NLGN1: variants seen among roughly 807,000 people sequenced by gnomAD.
NLGN1 encodes the protein neuroligin-1.
Under a neutral mutation model 65.5 loss-of-function variants are expected in NLGN1, and 12 were observed. The ratio of observed to expected loss-of-function variants is 0.18; its 90% CI spans 0.12 to 0.30. The LOEUF (loss-of-function observed/expected upper bound fraction) is 0.30. Ranked by LOEUF, NLGN1 falls within the 10% of genes least tolerant of loss-of-function variation. NLGN1 has a pLI of 1.00. For synonymous variants in NLGN1, 350 were observed against 359.5 expected (o/e 0.97, Z 0.30); for missense variants, 750 against 1,007.1 (o/e 0.74, Z 3.46).
intron 4 of NLGN1, among the ~76,000 whole-genome samples, chr3:174,162,075 C>T (rs1429127160): frequency 6.6e-6 from 1 of 151,766 alleles, no homozygotes; most frequent in Non-Finnish European, 1.5e-5. Flanking sequence ...CATAAAAATA[C>T]AGCCAAAACT....
chr3:173,500,703 G>A (rs1273512720), intron 2 of NLGN1, among the ~76,000 whole-genome samples: 1 of 151,842 alleles, frequency 6.6e-6, no homozygotes, highest in Non-Finnish European at 1.5e-5. Flanking sequence ...TGGTTGGTAA[G>A]CTTTTAATTA....
Position 173,678,463 on chromosome 3 carries a change from G to A in NLGN1, c.493+73372G>A, listed in dbSNP as rs574349772. Among the ~76,000 whole-genome samples the A allele has an allele frequency of 3.3e-5, 5 of 152,222 alleles. No individual in the cohort carries two copies. The South Asian group carries it at 8.3e-4, about 25-fold the overall frequency. ...GGAAAACTAGGGCAGGCTTCACAAA[G>A]GATGTGATTTTGGATCTATGTATTG... On this transcript the variant is annotated intron_variant, in intron 3 of 6. Transcript: ENST00000457714.
intron 1 of NLGN1, among the ~76,000 whole-genome samples, chr3:173,421,182 T>A (rs1714972605): frequency 6.6e-6 from 1 of 152,102 alleles, no homozygotes; most frequent in Non-Finnish European, 1.5e-5. Flanking sequence ...TTTTTAAAAA[T>A]CATTTTTATT....
intron 3 of NLGN1, among the ~76,000 whole-genome samples, chr3:173,792,691 A>G (rs534792398): frequency 6.6e-6 from 1 of 152,144 alleles, no homozygotes; most frequent in Non-Finnish European, 1.5e-5. Flanking sequence ...ATGTGCAGAT[A>G]GTAAGAGGGT....
chr3:173,968,901 A>G (rs1011273333), intron 4 of NLGN1, among the ~76,000 whole-genome samples: 6 of 151,366 alleles, frequency 4.0e-5, no homozygotes, highest in African/African-American at 1.5e-4. Flanking sequence ...GGGTTTTACC[A>G]TGTTGGCCAG....
intron 4 of NLGN1, among the ~76,000 whole-genome samples, chr3:173,864,706 G>A (rs935633895): frequency 2.0e-5 from 3 of 152,110 alleles, no homozygotes; most frequent in Non-Finnish European, 2.9e-5. Context: ...CTTACACGCA[G>A]GCTGTAATTC....
At chr3:173,810,642 A>G (rs945623347) in intron 4 of NLGN1, among the ~76,000 whole-genome samples, 13 of 152,184 alleles carry the variant, frequency 8.5e-5, no homozygotes, top group African/African-American at 2.7e-4. Context: ...TTGCTCTTTG[A>G]TTTTAGTGAT....
chr3:174,249,341 G>A (rs531493907), intron 4 of NLGN1, among the ~76,000 whole-genome samples: 98 of 152,224 alleles, frequency 6.4e-4, no homozygotes, highest in South Asian at 2.1e-3. Context: ...ACATGCTGCC[G>A]ATAAATTTTC....
upstream of NLGN1, among the ~76,000 whole-genome samples, chr3:173,396,926 T>C (rs1241592632): frequency 6.6e-6 from 1 of 152,226 alleles, no homozygotes; most frequent in Non-Finnish European, 1.5e-5. Context: ...TTTCCCAGGC[T>C]AGTAGCTGAG....
intron 4 of NLGN1, among the ~76,000 whole-genome samples, chr3:174,185,999 T>A (rs1009693042): frequency 2.8e-4 from 42 of 152,026 alleles, no homozygotes; most frequent in Admixed American, 2.6e-3. Context: ...AATGTAAGCT[T>A]AGACCACAAT....
chr3:174,270,168 G>A (rs1311920016), intron 4 of NLGN1, among the ~76,000 whole-genome samples: 2 of 114,496 alleles, frequency 1.7e-5, no homozygotes, highest in South Asian at 3.0e-4. Context: ...GAAGTTTGAT[G>A]TAGTCTTATT....
intron 4 of NLGN1, among the ~76,000 whole-genome samples, chr3:173,882,205 A>G (rs78348572): frequency 1.3e-3 from 201 of 152,312 alleles, no homozygotes; most frequent in African/African-American, 4.6e-3. Flanking sequence ...CAGATATTCT[A>G]TCATCCAGGC....
chr3:173,946,302 A>G (rs1043056118), intron 4 of NLGN1, among the ~76,000 whole-genome samples: 3 of 152,010 alleles, frequency 2.0e-5, no homozygotes, highest in African/African-American at 4.8e-5. Context: ...TTAGATAATG[A>G]TTTGTGTTTG....
intron 4 of NLGN1, among the ~76,000 whole-genome samples, chr3:173,968,737 C>T (rs757868424): frequency 1.8e-5 from 2 of 113,674 alleles, no homozygotes; most frequent in Admixed American, 1.3e-4. Flanking sequence ...CTTCCTCTGT[C>T]GCCCAGGCTG....
intron 4 of NLGN1, among the ~76,000 whole-genome samples, chr3:173,950,803 C>T (rs1171540735): frequency 6.9e-6 from 1 of 145,588 alleles, no homozygotes; most frequent in Non-Finnish European, 1.5e-5. Context: ...AGTAAGACTT[C>T]GTCTCAAAAA....
At chr3:173,890,295 T>TA in intron 4 of NLGN1, among the ~76,000 whole-genome samples, 2 of 152,248 alleles carry the variant, frequency 1.3e-5, no homozygotes, top group East Asian at 3.9e-4. Flanking sequence ...GTTTTGCAGC[T>TA]AATGGTCAGA....
At chr3:173,588,208 T>C (rs1237808374) in intron 2 of NLGN1, among the ~76,000 whole-genome samples, 3 of 152,208 alleles carry the variant, frequency 2.0e-5, no homozygotes, top group Non-Finnish European at 4.4e-5. Flanking sequence ...TATTGCTTTT[T>C]AAGAGATAAT....
chr3:173,765,423 CA>C (rs1778631175), intron 3 of NLGN1, among the ~76,000 whole-genome samples: 2 of 151,844 alleles, frequency 1.3e-5, no homozygotes, highest in African/African-American at 4.8e-5. Flanking sequence ...AAAGGATATG[CA>C]AAATAAAAAA....
chr3:174,231,056 C>T (rs936519560), intron 4 of NLGN1, among the ~76,000 whole-genome samples: 2 of 152,120 alleles, frequency 1.3e-5, no homozygotes, highest in Admixed American at 6.5e-5. Context: ...CTAAGTTCAT[C>T]CCAAAGTGAG....
Sources: gnomAD v4.1 joint callset for allele counts (sites outside exome capture counted in the v4.1 genomes callset) on GRCh38, gnomAD v4.1.1 for gene constraint, MANE v1.5 for transcripts, NCBI Gene and HGNC (gene_info 2026-07-23, HGNC 2026-07-21) for gene names.